The following IGF2 variants were observed in gnomAD, a reference collection of about 807,000 sequenced individuals.
The protein encoded by IGF2 is insulin like growth factor 2.
In IGF2, 2 loss-of-function variants were observed where a neutral mutation model predicts 12.0. The ratio of observed to expected loss-of-function variants is 0.17; its 90% CI spans 0.07 to 0.52. IGF2 has a LOEUF of 0.52. Ranked by LOEUF, IGF2 falls within the 20% of genes least tolerant of loss-of-function variation. The probability of loss-of-function intolerance (pLI) is 0.95; values close to 1 mark genes in which losing one functional copy is unlikely to be tolerated. For synonymous variants in IGF2, 105 were observed against 110.1 expected (o/e 0.95, Z 0.29); for missense variants, 211 against 268.0 (o/e 0.79, Z 1.48).
intron 2 of IGF2, among the ~76,000 whole-genome samples, chr11:2,134,652 C>T (rs1235241562): frequency 6.6e-6 from 1 of 152,184 alleles, no homozygotes; most frequent in Non-Finnish European, 1.5e-5. Flanking sequence ...GGAGCGGCCC[C>T]TCCCCTGCCC....
rs548852860 is a variant in IGF2 at position 2,132,772 on chromosome 11, A to G, written c.*215T>C. The G allele has an allele frequency of 7.6e-4, 379 of 495,660 alleles. 1 individual carries two copies. In the Middle Eastern group the frequency reaches 0.011, roughly 15 times the overall value. The allele number at this position is 495,660 out of a possible 1,614,324, so 30.7% of individuals were successfully genotyped here. A position where few individuals can be genotyped will look rare whatever the true frequency, so the allele number is the denominator to read the frequency against. On this transcript the variant is annotated 3_prime_UTR_variant, in exon 4 of 4. Transcript: ENST00000416167. Reference sequence around the variant, plus strand: ...TGTTTAAAGCCAATCGATTTTGTACATGTTTGAAGATGCTGCTGTGCTTCC... The same window carrying G: ...TGTTTAAAGCCAATCGATTTTGTACGTGTTTGAAGATGCTGCTGTGCTTCC...
At position 2,138,707 on chromosome 11, in the gene IGF2, GGGGA is replaced by G; in HGVS notation, c.-489_-486del. On this transcript the variant is annotated 5_prime_UTR_variant, in exon 1 of 4. Transcript: ENST00000416167. The stretch of plus-strand genomic sequence containing the variant: ...GAAGGCGAGAGGGCGGGCGTGAGGG[GGGGA>G]GGGAGTCGGAGGCTAGGAGCTGGGG... 8 of 743,496 alleles carry G rather than the reference GGGGA, an allele frequency of 1.1e-5. No homozygotes were observed. The highest frequency in any genetic ancestry group is 1.3e-5 in the Non-Finnish European group (8 of 614,616). The allele number at this position is 743,496 out of a possible 1,614,324, so 46.1% of individuals were successfully genotyped here.
At position 2,138,334 on chromosome 11, in the gene IGF2, C is replaced by G; in HGVS notation, c.-112G>C. 1 of 976,746 alleles carries G rather than the reference C, an allele frequency of 1.0e-6. No individual in the cohort carries two copies. Among genetic ancestry groups the G allele is most frequent in the Non-Finnish European group, 1.2e-6 (1 of 827,348 alleles). 60.5% of individuals were successfully genotyped at this position (976,746 alleles called of 1,614,324 possible). On this transcript the variant is annotated 5_prime_UTR_variant, in exon 1 of 4. Transcript: ENST00000416167. ...ACTCCTCTGCCAGCGCCGCTCTGGCCGAGTCGCGGGGGCCGAATGTGCGAC... is the reference window on the plus strand; with the variant it reads ...ACTCCTCTGCCAGCGCCGCTCTGGCGGAGTCGCGGGGGCCGAATGTGCGAC...
chr11:2,139,399 G>C (rs1451042584), upstream of IGF2: 1 of 148,242 alleles, frequency 6.7e-6, no homozygotes, highest in Admixed American at 6.7e-5. Context: ...CGAACTGCGG[G>C]CGCCCACGCC....
chr11:2,139,249 G>C lies in IGF2; in HGVS notation c.-1027C>G, dbSNP rs1168774351. On this transcript the variant is annotated 5_prime_UTR_variant, in exon 1 of 4. Coordinates refer to ENST00000416167, the MANE Select transcript of IGF2 (RefSeq NM_000612.6). ...ACGGGAGTCAGCAGCGAGGCAGCGG[G>C]CGGCGTCGACGCGGGGCCGCCTTGC... is the stretch of plus-strand genomic sequence containing the variant. The C allele has an allele frequency of 6.6e-6, 1 of 150,512 alleles. No homozygotes were observed. Among genetic ancestry groups the C allele is most frequent in the African/African-American group, 2.4e-5 (1 of 41,218 alleles). The allele number at this position is 150,512 out of a possible 1,614,324, so 9.3% of individuals were successfully genotyped here.
intron 2 of IGF2, among the ~76,000 whole-genome samples, chr11:2,135,156 C>T (rs1013024568): frequency 1.3e-5 from 2 of 152,210 alleles, no homozygotes; most frequent in African/African-American, 2.4e-5. Flanking sequence ...CTGGCCCACC[C>T]TTCGAAGGAG....
chr11:2,130,456 CG>C lies in IGF2; in HGVS notation c.*2530del. 8.9e-6 allele frequency: 2 copies of C among 224,326 alleles called. No homozygotes were observed. The highest frequency in any genetic ancestry group is 1.8e-5 in the Non-Finnish European group (2 of 112,894). 13.9% of individuals were successfully genotyped at this position (224,326 alleles called of 1,614,324 possible). A position where few individuals can be genotyped will look rare whatever the true frequency, so the allele number is the denominator to read the frequency against. On this transcript the variant is annotated 3_prime_UTR_variant, in exon 4 of 4. Transcript: ENST00000416167. ...AAAATCCAATCAGGGCGATAAATGG[CG>C]GGGGGCAGGACGTGGTGGTCTCCAG...
rs57423851 is a variant in IGF2 at position 2,130,528 on chromosome 11, T to TGGG, written c.*2456_*2458dup. 3.5e-4 allele frequency: 51 copies of TGGG among 146,954 alleles called. 1 individual carries two copies. The highest frequency in any genetic ancestry group is 1.7e-3 in the African/African-American group (49 of 29,378). The allele number at this position is 146,954 out of a possible 1,614,324, so 9.1% of individuals were successfully genotyped here. On this transcript the variant is annotated 3_prime_UTR_variant, in exon 4 of 4. Coordinates refer to ENST00000416167, the MANE Select transcript of IGF2 (RefSeq NM_000612.6). The stretch of plus-strand genomic sequence containing the variant: ...CTTTTGTCACTGCCCCCCTGTTACA[T>TGGG]GGGGGGGGGGTTTAATTTGGTTTCT...
chr11:2,136,796 A>G (rs959911023), intron 1 of IGF2, among the ~76,000 whole-genome samples: 1 of 152,052 alleles, frequency 6.6e-6, no homozygotes, highest in African/African-American at 2.4e-5. Flanking sequence ...TCCAAATTCT[A>G]AGAGCACACT....
upstream of IGF2, chr11:2,140,443 G>T: frequency 1.5e-6 from 1 of 651,882 alleles, no homozygotes; most frequent in Non-Finnish European, 2.6e-6. Context: ...CGCCCCCCTG[G>T]CCCCCCTCGC....
chr11:2,134,645 G>A (rs1426425133), intron 2 of IGF2, among the ~76,000 whole-genome samples: 4 of 152,186 alleles, frequency 2.6e-5, no homozygotes, highest in Non-Finnish European at 5.9e-5. Flanking sequence ...CCAGTAAGGA[G>A]CGGCCCCTCC....
upstream of IGF2, among the ~76,000 whole-genome samples, chr11:2,141,712 A>G (rs1859610702): frequency 6.6e-6 from 1 of 152,222 alleles, no homozygotes; most frequent in Admixed American, 6.5e-5. Context: ...GGGAAAAAAT[A>G]ACCTTCATAA....
rs973865733 is a variant in IGF2, at chr11:2,139,269, C to T, written c.-1047G>A. 1 of 148,792 alleles carries T rather than the reference C, an allele frequency of 6.7e-6. No individual in the cohort carries two copies. The highest frequency in any genetic ancestry group is 2.1e-4 in the South Asian group (1 of 4,768). The allele number at this position is 148,792 out of a possible 1,614,324, so 9.2% of individuals were successfully genotyped here. A position where few individuals can be genotyped will look rare whatever the true frequency, so the allele number is the denominator to read the frequency against. On this transcript the variant is annotated 5_prime_UTR_variant, in exon 1 of 4. Coordinates refer to ENST00000416167, the MANE Select transcript of IGF2 (RefSeq NM_000612.6). ...AGCGGGCGGCGTCGACGCGGGGCCGCCTTGCCCGATGGAGGCGCTGGTGGG... is the reference window on the plus strand; with the variant it reads ...AGCGGGCGGCGTCGACGCGGGGCCGTCTTGCCCGATGGAGGCGCTGGTGGG...
At chr11:2,147,624 G>T in the IGF2 span, 1 of 1,241,612 alleles carries the variant, frequency 8.1e-7, no homozygotes, top group East Asian at 3.0e-5. The surrounding 1 kb of genome is among the most constrained non-coding windows in gnomAD (Gnocchi z 7.2). Flanking sequence ...AGTTCTGGGA[G>T]CGCTGGGGTC....
At chr11:2,140,500 C>G (rs1859495506), upstream of IGF2, 2 of 581,578 alleles carry the variant, frequency 3.4e-6, no homozygotes, top group Non-Finnish European at 6.0e-6. Flanking sequence ...CCGCGCGCGC[C>G]TCCCGGCGGA....
upstream of IGF2, among the ~76,000 whole-genome samples, chr11:2,139,578 G>GC (rs1165550807): frequency 6.8e-6 from 1 of 146,098 alleles, no homozygotes; most frequent in African/African-American, 2.5e-5. Context: ...TGGGGCCCCG[G>GC]GGGGGGGGCG....
chr11:2,141,684 G>A (rs1039996745), upstream of IGF2, among the ~76,000 whole-genome samples: 2 of 152,144 alleles, frequency 1.3e-5, no homozygotes, highest in Admixed American at 6.5e-5. Flanking sequence ...TTAGTGGCCT[G>A]GACGCTGGCA....
At chr11:2,148,852 A>C in the IGF2 span, 1 of 496,138 alleles carries the variant, frequency 2.0e-6, no homozygotes, top group Admixed American at 3.7e-5. The surrounding 1 kb of genome is among the most constrained non-coding windows in gnomAD (Gnocchi z 4.3). Flanking sequence ...TGCTTGGTGA[A>C]TTAGTCAAGG....
At chr11:2,144,966 G>A (rs1364461091), upstream of IGF2, among the ~76,000 whole-genome samples, 1 of 152,162 alleles carries the variant, frequency 6.6e-6, no homozygotes, top group Non-Finnish European at 1.5e-5. Flanking sequence ...GAGCTGGGCA[G>A]GATGAGGCAT....
Sources: gnomAD v4.1 joint callset for allele counts (sites outside exome capture counted in the v4.1 genomes callset) on GRCh38, gnomAD v4.1.1 for gene constraint, Gnocchi (gnomAD v3.1) non-coding constraint, MANE v1.5 for transcripts, NCBI Gene and HGNC (gene_info 2026-07-23, HGNC 2026-07-21) for gene names.